The following KCNT2 variants were observed in gnomAD, a reference collection of about 807,000 sequenced individuals.
KCNT2 encodes the protein potassium channel subfamily T member 2.
A neutral mutation model predicts 153.8 loss-of-function variants in KCNT2; 67 were observed. The ratio of observed to expected loss-of-function variants is 0.44; its 90% CI spans 0.36 to 0.53. The LOEUF is 0.53. Among genes scored for constraint, KCNT2 ranks in the 20% least tolerant of loss-of-function variants. The probability of loss-of-function intolerance (pLI) is 0.00; values close to 1 mark genes in which losing one functional copy is unlikely to be tolerated. For synonymous variants in KCNT2, 500 were observed against 458.8 expected, an observed-to-expected ratio of 1.09 and a Z score of -1.15; for missense variants, 975 against 1,354.8, an observed-to-expected ratio of 0.72 and a Z score of 4.40.
At chr1:196,427,934 C>A (rs1673795976) in intron 10 of KCNT2, among the ~76,000 whole-genome samples, 171 bp downstream of exon 10, 1 of 152,008 alleles carries the variant, frequency 6.6e-6, no homozygotes, top group African/African-American at 2.4e-5. Context: ...ATTCCTCCAG[C>A]ATTTTTTTTC....
chr1:196,523,731 G>T (rs1328671176), intron 1 of KCNT2, among the ~76,000 whole-genome samples: 3 of 152,182 alleles, frequency 2.0e-5, no homozygotes, highest in African/African-American at 7.2e-5. Flanking sequence ...AGGATATAAA[G>T]TTCCTTAACT....
At chr1:196,395,372 A>G (rs1442512383) in intron 13 of KCNT2, among the ~76,000 whole-genome samples, 2 of 151,586 alleles carry the variant, frequency 1.3e-5, no homozygotes, top group African/African-American at 2.4e-5. Context: ...TGTTTGTAAA[A>G]CATTATGGGA....
chr1:196,417,872 G>A (rs1246669882), intron 12 of KCNT2, among the ~76,000 whole-genome samples: 1 of 152,044 alleles, frequency 6.6e-6, no homozygotes, highest in East Asian at 1.9e-4. Context: ...AGTTACAACA[G>A]CTATGATGTC....
chr1:196,432,204 C>T (rs1054200764), intron 8 of KCNT2, among the ~76,000 whole-genome samples: 3 of 152,170 alleles, frequency 2.0e-5, no homozygotes, highest in African/African-American at 4.8e-5. Context: ...TTTGCAGGTG[C>T]GCAAAGAGCA....
intron 1 of KCNT2, among the ~76,000 whole-genome samples, chr1:196,593,307 T>TACAC (rs1380637836): frequency 8.0e-5 from 10 of 124,780 alleles, no homozygotes; most frequent in African/African-American, 2.8e-4. Flanking sequence ...TATATATATA[T>TACAC]ATATACACAC....
chr1:196,266,098 A>G (rs1159273303), intron 25 of KCNT2, among the ~76,000 whole-genome samples: 1 of 152,214 alleles, frequency 6.6e-6, no homozygotes, highest in Non-Finnish European at 1.5e-5. Context: ...ACAGAAGTCT[A>G]TAATTTGTCC....
intron 21 of KCNT2, among the ~76,000 whole-genome samples, chr1:196,314,520 T>A (rs1020617027): frequency 6.6e-6 from 1 of 151,740 alleles, no homozygotes; most frequent in Non-Finnish European, 1.5e-5. Context: ...TGCATTATAA[T>A]AACTTTAAAG....
chr1:196,234,326 T>A (rs1465911575), intron 27 of KCNT2, among the ~76,000 whole-genome samples: 4 of 151,328 alleles, frequency 2.6e-5, no homozygotes, highest in Non-Finnish European at 5.9e-5. Flanking sequence ...CCATTCTGAC[T>A]TGTTTTGATG....
chr1:196,291,950 T>C (rs1007934609), intron 22 of KCNT2, among the ~76,000 whole-genome samples: 6 of 152,188 alleles, frequency 3.9e-5, no homozygotes, highest in Non-Finnish European at 5.9e-5. Flanking sequence ...TGCTTAAAAG[T>C]AACTTGGGTG....
At chr1:196,418,486 AAC>A (rs1672931621) in intron 12 of KCNT2, among the ~76,000 whole-genome samples, 1 of 152,070 alleles carries the variant, frequency 6.6e-6, no homozygotes, top group Non-Finnish European at 1.5e-5. Context: ...CAACAACAAC[AAC>A]AAAAACAACT....
At chr1:196,360,870 T>C (rs1430923301) in intron 14 of KCNT2, among the ~76,000 whole-genome samples, 1 of 152,020 alleles carries the variant, frequency 6.6e-6, no homozygotes, top group Non-Finnish European at 1.5e-5. Flanking sequence ...AAACGAATAC[T>C]ATGGCCGCAA....
intron 1 of KCNT2, among the ~76,000 whole-genome samples, chr1:196,499,538 C>A (rs534184623): frequency 2.0e-5 from 3 of 152,288 alleles, no homozygotes; most frequent in African/African-American, 4.8e-5. Context: ...TGGTACAAAC[C>A]ATGAGGACTC....
intron 1 of KCNT2, among the ~76,000 whole-genome samples, chr1:196,533,077 A>G (rs1655148557): frequency 6.6e-6 from 1 of 152,128 alleles, no homozygotes; most frequent in Admixed American, 6.6e-5. Flanking sequence ...ACCAAGGATA[A>G]TATAAACGAT....
intron 1 of KCNT2, among the ~76,000 whole-genome samples, chr1:196,502,128 A>T (rs12123128): frequency 0.33 from 49,418 of 152,004 alleles, 8,068 homozygotes; most frequent in Admixed American, 0.39. Flanking sequence ...AAAATAAATT[A>T]AAAAAAAGAT....
At chr1:196,496,245 G>A (rs946910987) in intron 1 of KCNT2, among the ~76,000 whole-genome samples, 4 of 152,024 alleles carry the variant, frequency 2.6e-5, no homozygotes, top group Non-Finnish European at 2.9e-5. Context: ...CGAGGCGGGT[G>A]GATCACGAGG....
chr1:196,519,330 G>C (rs1427952030), intron 1 of KCNT2, among the ~76,000 whole-genome samples: 1 of 151,904 alleles, frequency 6.6e-6, no homozygotes, highest in Admixed American at 6.6e-5. Flanking sequence ...ATTAAACGCT[G>C]ATATCAAAAG....
At chr1:196,570,661 C>G (rs1172254521) in intron 1 of KCNT2, among the ~76,000 whole-genome samples, 1 of 152,006 alleles carries the variant, frequency 6.6e-6, no homozygotes, top group Non-Finnish European at 1.5e-5. Context: ...GGGTGCTATA[C>G]AGAATATACA....
intron 1 of KCNT2, among the ~76,000 whole-genome samples, chr1:196,521,767 G>T (rs948637429): frequency 6.6e-6 from 1 of 152,022 alleles, no homozygotes; most frequent in East Asian, 1.9e-4. Context: ...ACACAAAGAG[G>T]GAAACAATAG....
chr1:196,573,067 G>A (rs1475417549), intron 1 of KCNT2, among the ~76,000 whole-genome samples: 56 of 152,142 alleles, frequency 3.7e-4, no homozygotes. Flanking sequence ...ACAGATACTT[G>A]GCCATGTCTT....
Sources: gnomAD v4.1 joint callset for allele counts (sites outside exome capture counted in the v4.1 genomes callset) on GRCh38, gnomAD v4.1.1 for gene constraint, MANE v1.5 for transcripts, NCBI Gene and HGNC (gene_info 2026-07-23, HGNC 2026-07-21) for gene names.